The following DNAH5 variants were observed in gnomAD, a reference collection of about 807,000 sequenced individuals.
The protein encoded by DNAH5 is dynein axonemal heavy chain 5.
A neutral mutation model predicts 518.2 loss-of-function variants in DNAH5; 372 were observed. That is an observed-to-expected ratio of 0.72 (90% CI 0.66 to 0.78). The LOEUF (loss-of-function observed/expected upper bound fraction) is 0.78, where lower values mean the gene tolerates loss of function less well. Ranked by LOEUF, DNAH5 falls within the 30% of genes least tolerant of loss-of-function variation. The probability of loss-of-function intolerance (pLI) is 0.00; values close to 1 mark genes in which losing one functional copy is unlikely to be tolerated. For synonymous variants in DNAH5, 2,039 were observed against 2,025.9 expected (o/e 1.01, Z -0.17); for missense variants, 5,523 against 5,687.0 (o/e 0.97, Z 0.93).
rs1000047685 is a variant in DNAH5 at position 13,865,852 on chromosome 5, G to A, written c.4171C>T (p.Leu1391Phe). The change falls in exon 27 of 79, where the codon CTT (leucine) becomes TTT (phenylalanine). Residue 1391 changes from leucine to phenylalanine, a missense_variant. Coordinates refer to ENST00000265104, the MANE Select transcript of DNAH5 (RefSeq NM_001369.3). The stretch of plus-strand genomic sequence containing the variant: ...TACTGTGTAGCTGGCAGGCCAAAAA[G>A]CTCCTCTCCTCCAGTATATGTGATG... ...KYITYTGGEE[L>F]FGLPATQYPQ... 6.2e-7 allele frequency: 1 copy of A among 1,613,448 alleles called. No homozygotes were observed.
chr5:13,865,981 GCAAA>G, intron 26 of DNAH5, 75 bp from the exon 27 acceptor site: 1 of 1,133,892 alleles, frequency 8.8e-7, no homozygotes, highest in South Asian at 1.3e-5. Context: ...TATAAGATTT[GCAAA>G]CAAGCAAGCC....
At chr5:13,828,080 A>G (rs373012542) in intron 38 of DNAH5, among the ~76,000 whole-genome samples, 2 of 152,248 alleles carry the variant, frequency 1.3e-5, no homozygotes, top group South Asian at 2.1e-4. Flanking sequence ...TACAATAAGA[A>G]TGAGTGAGTA....
intron 55 of DNAH5, among the ~76,000 whole-genome samples, chr5:13,775,133 G>GTT (rs34258148): frequency 0.068 from 7,539 of 110,768 alleles, 332 homozygotes; most frequent in Non-Finnish European, 0.095. Context: ...ACTCCTTTTT[G>GTT]TTTTTTTTTT....
intron 12 of DNAH5, among the ~76,000 whole-genome samples, chr5:13,910,962 G>A (rs985638658): frequency 2.0e-5 from 3 of 152,176 alleles, no homozygotes; most frequent in South Asian, 2.1e-4. Context: ...CGGTCCTGGC[G>A]CCACCGTTTC....
In DNAH5 at chr5:13,718,913, T is replaced by G. The variant is rs30169; in HGVS notation, c.12468A>C (p.Gly4156=). Reference sequence around the variant, plus strand: ...ATGTTCTTTTCAGTCCTGCCCGGAGTCCTTGTGGAGGATCGTTGGCAAATT... The same window carrying G: ...ATGTTCTTTTCAGTCCTGCCCGGAGGCCTTGTGGAGGATCGTTGGCAAATT... ...SIKFANDPPQ[G]LRAGLKRTYS... The change falls in exon 72 of 79, where the codon GGA becomes GGC. Residue 4156 remains glycine (G), a synonymous_variant. Transcript: ENST00000265104. The G allele has an allele frequency of 0.41, 665,994 of 1,612,042 alleles. 138,748 individuals are homozygous for G. Among genetic ancestry groups the G allele is most frequent in the South Asian group, 0.45 (41,277 of 91,022 alleles).
rs556227808 is a variant in DNAH5, at chr5:13,855,500, G to A, written c.4950+3952C>T. The stretch of plus-strand genomic sequence containing the variant: ...TGGGATTACAGGCGTGAGCCACCGC[G>A]CCCGGCCATAAATCTTACATTTTAA... On this transcript the variant is annotated intron_variant, in intron 30 of 78. Coordinates refer to ENST00000265104, the MANE Select transcript of DNAH5 (RefSeq NM_001369.3). Among the ~76,000 whole-genome samples, 69 of 48,270 alleles carry A rather than the reference G, an allele frequency of 1.4e-3. 22 individuals are homozygous for A. The highest frequency in any genetic ancestry group is 4.4e-3 in the African/African-American group (67 of 15,230). The allele number at this position is 48,270 out of a possible 152,430, so 31.7% of individuals were successfully genotyped here. A position where few individuals can be genotyped will look rare whatever the true frequency, so the allele number is the denominator to read the frequency against.
intron 68 of DNAH5, among the ~76,000 whole-genome samples, chr5:13,730,858 G>A (rs1445292169): frequency 1.3e-5 from 2 of 152,042 alleles, no homozygotes; most frequent in Admixed American, 6.6e-5. Flanking sequence ...GCATGACCAC[G>A]CCTGGCTAAT....
rs570616815 is a variant in DNAH5 at position 13,829,409 on chromosome 5, T to C, written c.6444+101A>G. ...TTTCTACTCAGTGTCAATAAAATCC[T>C]TTGTCAACAAGCCCAGTCTAGAATT... On this transcript the variant is annotated intron_variant, in intron 38 of 78. Coordinates refer to ENST00000265104, the MANE Select transcript of DNAH5 (RefSeq NM_001369.3). The C allele has an allele frequency of 1.2e-5, 15 of 1,239,030 alleles. No homozygotes were observed. The Admixed American group carries it at 2.2e-4, about 19-fold the overall frequency. 76.8% of individuals were successfully genotyped at this position (1,239,030 alleles called of 1,614,324 possible). A position where few individuals can be genotyped will look rare whatever the true frequency, so the allele number is the denominator to read the frequency against.
rs2126455723 is a variant in DNAH5 at position 13,708,228 on chromosome 5, G to A, written c.13233C>T (p.Leu4411=). 6.2e-7 allele frequency: 1 copy of A among 1,614,198 alleles called. No homozygotes were observed. Among genetic ancestry groups the A allele is most frequent in the Non-Finnish European group, 8.5e-7 (1 of 1,180,018 alleles). ...QRVLSLVRST[L]TELKLAIDGT... ...CATCAATAGCAAGTTTCAGCTCAGTGAGGGTGCTGCGGACAAGGCTGAGTA... is the reference window on the plus strand; with the variant it reads ...CATCAATAGCAAGTTTCAGCTCAGTAAGGGTGCTGCGGACAAGGCTGAGTA... The change falls in exon 76 of 79, where the codon CTC becomes CTT. Residue 4411 remains leucine, a synonymous_variant. Coordinates refer to ENST00000265104, the MANE Select transcript of DNAH5 (RefSeq NM_001369.3).
chr5:13,903,079 A>T (rs1208194368), intron 12 of DNAH5, among the ~76,000 whole-genome samples: 1 of 152,204 alleles, frequency 6.6e-6, no homozygotes, highest in Admixed American at 6.5e-5. Context: ...AAATAAGTAT[A>T]TTTAAAGTGA....
intron 78 of DNAH5, among the ~76,000 whole-genome samples, chr5:13,698,777 C>A (rs995955367): frequency 6.6e-6 from 1 of 152,206 alleles, no homozygotes; most frequent in Admixed American, 6.5e-5. Flanking sequence ...AAAGCTGGAA[C>A]AAGAAGGCAC....
chr5:13,990,078 C>T (rs951731054), intron 1 of DNAH5, among the ~76,000 whole-genome samples: 5 of 151,996 alleles, frequency 3.3e-5, no homozygotes, highest in African/African-American at 1.2e-4. Flanking sequence ...GATTCAGACC[C>T]AGGAAGTCCA....
rs376206806 is a variant in DNAH5, at chr5:13,707,358, T to C, written c.13338+765A>G. 6.6e-6 allele frequency among the ~76,000 whole-genome samples: 1 copy of C among 152,142 alleles called. No homozygotes were observed. Among genetic ancestry groups the C allele is most frequent in the East Asian group, 1.9e-4 (1 of 5,182 alleles). Reference sequence around the variant, plus strand: ...CCCACATGTGAGGCAATTTTTCCAGTACACTAGAGCAAGAACCCAGGAAAC... The same window carrying C: ...CCCACATGTGAGGCAATTTTTCCAGCACACTAGAGCAAGAACCCAGGAAAC... On this transcript the variant is annotated intron_variant, in intron 76 of 78. Coordinates refer to ENST00000265104, the MANE Select transcript of DNAH5 (RefSeq NM_001369.3). The surrounding 1 kb of genome is among the most constrained non-coding windows in gnomAD (Gnocchi z 4.0).
At position 13,700,851 on chromosome 5, in the gene DNAH5, T is replaced by A. The variant is rs755028278; in HGVS notation, c.13512A>T (p.Lys4504Asn). ...AMRQEITRANKGWALDNMVLC... is the reference protein window; with the variant it reads ...AMRQEITRANNGWALDNMVLC... ...GCACCATATTGTCCAGAGCCCAGCC[T>A]TTGTTGGCCCGAGTTATTTCCTATT... is the stretch of plus-strand genomic sequence containing the variant. Residue 4504 changes from lysine (K) to asparagine (N), a missense_variant, in exon 78 of 79, where the codon AAA becomes AAT. By Grantham distance (94) the Lys-to-Asn change is moderately conservative (BLOSUM62 0). Coordinates refer to ENST00000265104, the MANE Select transcript of DNAH5 (RefSeq NM_001369.3). The A allele has an allele frequency of 6.2e-7, 1 of 1,614,186 alleles. No homozygotes were observed. The highest frequency in any genetic ancestry group is 2.2e-5 in the East Asian group (1 of 44,868).
chr5:13,963,300 G>A lies in DNAH5; in HGVS notation c.13-32056C>T, dbSNP rs531345204. 2.0e-4 allele frequency among the ~76,000 whole-genome samples: 31 copies of A among 152,174 alleles called. 1 individual carries two copies. The highest frequency in any genetic ancestry group is 6.3e-4 in the African/African-American group (26 of 41,502). ...TCCTTAAAAAATAAATGACCTGGTC[G>A]GAAGCGGTGGCTCACGCCTATAATC... On this transcript the variant is annotated intron_variant, in intron 1 of 78. Coordinates refer to the DNAH5 transcript ENST00000681290.
chr5:14,000,259 G>T (rs989261826), intron 1 of DNAH5, among the ~76,000 whole-genome samples: 1 of 152,200 alleles, frequency 6.6e-6, no homozygotes, highest in African/African-American at 2.4e-5. Context: ...GGACACAGCC[G>T]TGTGACTGGA....
At chr5:13,844,695 G>A (rs925218617) in intron 32 of DNAH5, 142 bp downstream of exon 32, 11 of 1,028,874 alleles carry the variant, frequency 1.1e-5, no homozygotes, top group African/African-American at 4.7e-5. Context: ...ATTGGGCCCC[G>A]AGATTTGTTT....
In DNAH5 at chr5:13,788,919, T is replaced by C. The variant is rs746847136; in HGVS notation, c.8449-5A>G. Reference sequence around the variant, plus strand: ...CTTCCACAGCTTTAACAGATCCTGTTGAAAGTATAATTAAAATGTGTTAGT... The same window carrying C: ...CTTCCACAGCTTTAACAGATCCTGTCGAAAGTATAATTAAAATGTGTTAGT... On this transcript the variant is annotated splice_region_variant and splice_polypyrimidine_tract_variant and intron_variant, in intron 50 of 78. Transcript: ENST00000265104. The C allele has an allele frequency of 6.2e-7, 1 of 1,613,704 alleles. No homozygotes were observed. Among genetic ancestry groups the C allele is most frequent in the Non-Finnish European group, 8.5e-7 (1 of 1,179,696 alleles).
chr5:13,771,280 T>C (rs1461525190), intron 55 of DNAH5: 5 of 402,120 alleles, frequency 1.2e-5, no homozygotes, highest in Non-Finnish European at 2.3e-5. Context: ...AGCCAACCTG[T>C]TTTATGGTTT....
Sources: gnomAD v4.1 joint callset for allele counts (sites outside exome capture counted in the v4.1 genomes callset) on GRCh38, gnomAD v4.1.1 for gene constraint, Gnocchi (gnomAD v3.1) non-coding constraint, MANE v1.5 for transcripts, NCBI Gene and HGNC (gene_info 2026-07-23, HGNC 2026-07-21) for gene names.